The following FBXL2 variants were observed in gnomAD, a reference collection of about 807,000 sequenced individuals.
FBXL2 encodes the protein F-box/LRR-repeat protein 2.
FBXL2 carries 38 observed loss-of-function variants against 69.2 expected under a neutral mutation model. That is an observed-to-expected ratio of 0.55 (90% CI 0.42 to 0.72). The LOEUF is 0.72. FBXL2 is among the 30% of genes least tolerant of loss of function. The pLI is 0.00. For synonymous variants in FBXL2, 192 were observed against 201.3 expected, an observed-to-expected ratio of 0.95 and a Z score of 0.39; for missense variants, 354 against 520.3, an observed-to-expected ratio of 0.68 and a Z score of 3.11.
downstream of FBXL2, chr3:33,390,201 G>A (rs2043701496): frequency 8.9e-6 from 8 of 893,944 alleles, no homozygotes; most frequent in Non-Finnish European, 1.4e-5. Flanking sequence ...CATTAGAAAG[G>A]TCATCTTGTG....
chr3:33,306,965 T>C (rs559790834), intron 2 of FBXL2, among the ~76,000 whole-genome samples: 2 of 152,286 alleles, frequency 1.3e-5, no homozygotes, highest in East Asian at 1.9e-4. Context: ...CCTAGTGTTA[T>C]ATTTTATATA....
At chr3:33,389,353 A>G (rs1316293598), downstream of FBXL2, 1 of 152,380 alleles carries the variant, frequency 6.6e-6, no homozygotes, top group African/African-American at 2.4e-5. Context: ...CTTGTTCATA[A>G]TGAAGATCCC....
intron 1 of FBXL2, among the ~76,000 whole-genome samples, chr3:33,277,959 A>G (rs1041482598): frequency 6.6e-6 from 1 of 152,208 alleles, no homozygotes. Flanking sequence ...AACTAATATA[A>G]GACATATATC....
At chr3:33,364,482 C>T (rs2041828077) in intron 4 of FBXL2, 143 bp from the exon 5 acceptor site, 1 of 731,000 alleles carries the variant, frequency 1.4e-6, no homozygotes, top group African/African-American at 1.7e-5. Context: ...AAGGATAGAA[C>T]TGAGGTGTTA....
intron 1 of FBXL2, among the ~76,000 whole-genome samples, chr3:33,280,838 T>G (rs1280778272): frequency 6.6e-6 from 1 of 152,076 alleles, no homozygotes; most frequent in Non-Finnish European, 1.5e-5. Context: ...TGTTTAACAC[T>G]TTATTGTGTA....
chr3:33,381,123 A>C (rs2043025087), intron 13 of FBXL2, among the ~76,000 whole-genome samples: 1 of 152,106 alleles, frequency 6.6e-6, no homozygotes, highest in African/African-American at 2.4e-5. Flanking sequence ...ATTTTCCTTA[A>C]ATCAGTTTTT....
intron 2 of FBXL2, chr3:33,303,074 C>G: frequency 2.2e-6 from 1 of 456,674 alleles, no homozygotes; most frequent in Middle Eastern, 3.3e-4. Flanking sequence ...TTGGTTTCAG[C>G]ACTCCATGGG....
chr3:33,375,453 A>G (rs778941811), intron 10 of FBXL2, 35 bp downstream of exon 10: 1 of 1,599,816 alleles, frequency 6.3e-7, no homozygotes, highest in East Asian at 2.2e-5. Context: ...TGCAGCTCAG[A>G]GTTTGGCTGA....
At chr3:33,320,545 A>G (rs2038107457) in intron 2 of FBXL2, among the ~76,000 whole-genome samples, 1 of 151,446 alleles carries the variant, frequency 6.6e-6, no homozygotes, top group Non-Finnish European at 1.5e-5. Context: ...GGAGTGGCGC[A>G]ATCTCAGCTC....
At chr3:33,318,299 T>C (rs986054513) in intron 2 of FBXL2, among the ~76,000 whole-genome samples, 1 of 152,202 alleles carries the variant, frequency 6.6e-6, no homozygotes, top group Non-Finnish European at 1.5e-5. Flanking sequence ...ATTTTTACTA[T>C]GTGGCATTTA....
intron 2 of FBXL2, among the ~76,000 whole-genome samples, chr3:33,325,959 G>C (rs1355358004): frequency 6.6e-6 from 1 of 152,102 alleles, no homozygotes; most frequent in Non-Finnish European, 1.5e-5. Context: ...CAAAACCAAA[G>C]TGAGATTGTG....
downstream of FBXL2, chr3:33,392,338 CTGAA>C: frequency 4.4e-6 from 2 of 453,780 alleles, no homozygotes. Context: ...AAGACGTTGG[CTGAA>C]TGAATTGAGA....
intron 9 of FBXL2, among the ~76,000 whole-genome samples, chr3:33,374,622 C>CT (rs1467034747): frequency 6.6e-6 from 1 of 152,180 alleles, no homozygotes; most frequent in Non-Finnish European, 1.5e-5. Context: ...TGGGCCAGGA[C>CT]TACTCAAAAA....
In FBXL2 at chr3:33,402,700, G is replaced by T. The variant is rs532206022; in HGVS notation, n.1215-534G>T. 3.0e-4 allele frequency: 242 copies of T among 806,888 alleles called. 4 individuals carry two copies. The South Asian group carries it at 5.0e-3, about 17-fold the overall frequency. The allele number at this position is 806,888 out of a possible 1,614,324, so 50.0% of individuals were successfully genotyped here. ...ATACTTCCCCTTACTGTTTCCTTTA[G>T]GTACAATACAAACAAAAGGCTGCTG... On this transcript the variant is annotated intron_variant and non_coding_transcript_variant, in intron 12 of 12. Coordinates refer to the FBXL2 transcript ENST00000463736.
chr3:33,390,154 G>A (rs2154053903), downstream of FBXL2: 2 of 632,178 alleles, frequency 3.2e-6, no homozygotes, highest in Non-Finnish European at 5.5e-6. Flanking sequence ...GCTTGGCTAT[G>A]GCAGTGACAG....
intron 2 of FBXL2, among the ~76,000 whole-genome samples, chr3:33,302,486 A>C (rs921428750): frequency 3.9e-5 from 6 of 152,324 alleles, no homozygotes; most frequent in Admixed American, 2.6e-4. Flanking sequence ...ATTTGACTTT[A>C]AGTTTTAATT....
intron 1 of FBXL2, among the ~76,000 whole-genome samples, chr3:33,296,801 G>A (rs1394790609): frequency 6.6e-6 from 1 of 152,118 alleles, no homozygotes; most frequent in Non-Finnish European, 1.5e-5. Flanking sequence ...TAGCTTTGTA[G>A]TAAATTTCAA....
At chr3:33,337,294 T>C (rs538911899) in intron 2 of FBXL2, among the ~76,000 whole-genome samples, 2 of 151,914 alleles carry the variant, frequency 1.3e-5, no homozygotes, top group South Asian at 4.2e-4. Context: ...ATCCAAAAGA[T>C]AAAAAGAACT....
intron 1 of FBXL2, among the ~76,000 whole-genome samples, chr3:33,291,091 G>A (rs1249637175): frequency 6.6e-6 from 1 of 151,976 alleles, no homozygotes; most frequent in African/African-American, 2.4e-5. Context: ...CACCATGCCC[G>A]ACTAATTTTT....
Sources: allele counts gnomAD v4.1 joint callset (sites outside exome capture counted in the v4.1 genomes callset), GRCh38; gene constraint gnomAD v4.1.1; transcripts MANE v1.5; gene names NCBI Gene and HGNC (gene_info 2026-07-23, HGNC 2026-07-21).